Variants in ZNF804A observed in about 807,000 individuals in gnomAD.
The protein encoded by ZNF804A is zinc finger protein 804A.
A neutral mutation model predicts 16.5 loss-of-function variants in ZNF804A; 2 were observed. The observed-to-expected ratio is 0.12, with a 90% CI of 0.05 to 0.38. ZNF804A has a LOEUF of 0.38. Ranked by LOEUF, ZNF804A falls within the 10% of genes least tolerant of loss-of-function variation. The pLI is 0.99. For synonymous variants in ZNF804A, 534 were observed against 489.6 expected, an observed-to-expected ratio of 1.09 and a Z score of -1.20; for missense variants, 1,473 against 1,390.7, an observed-to-expected ratio of 1.06 and a Z score of -0.94.
At chr2:184,638,915 A>G (rs933652307) in intron 1 of ZNF804A, among the ~76,000 whole-genome samples, 3 of 152,114 alleles carry the variant, frequency 2.0e-5, no homozygotes, top group Admixed American at 6.6e-5. Flanking sequence ...GGAAGCAGAT[A>G]TAATCATAGC....
At chr2:184,850,181 A>C (rs1021418151) in intron 1 of ZNF804A, among the ~76,000 whole-genome samples, 4 of 151,854 alleles carry the variant, frequency 2.6e-5, no homozygotes, top group African/African-American at 9.7e-5. Flanking sequence ...TACAGCCAGC[A>C]ATAATTTACT....
At chr2:184,733,997 A>T (rs1451083588) in intron 1 of ZNF804A, among the ~76,000 whole-genome samples, 2 of 150,966 alleles carry the variant, frequency 1.3e-5, no homozygotes, top group Non-Finnish European at 3.0e-5. Context: ...TTCTTTACTG[A>T]TTTTAGCTGG....
intron 1 of ZNF804A, among the ~76,000 whole-genome samples, chr2:184,755,771 A>C (rs1263844529): frequency 6.6e-6 from 1 of 151,970 alleles, no homozygotes; most frequent in Admixed American, 6.6e-5. Context: ...GCTGCCTCTG[A>C]CTTTACTCTC....
intron 1 of ZNF804A, among the ~76,000 whole-genome samples, chr2:184,725,280 C>T (rs569507505): frequency 2.6e-5 from 4 of 151,588 alleles, no homozygotes; most frequent in East Asian, 1.9e-4. Context: ...TTTAATATAA[C>T]GGTTATGGTT....
chr2:184,671,077 C>T (rs1441848956), intron 1 of ZNF804A, among the ~76,000 whole-genome samples: 3 of 152,088 alleles, frequency 2.0e-5, no homozygotes, highest in Non-Finnish European at 2.9e-5. Flanking sequence ...GGTTTGCCTG[C>T]CTAAAGTGAT....
At chr2:184,818,069 T>C (rs112198566) in intron 1 of ZNF804A, among the ~76,000 whole-genome samples, 2,217 of 151,888 alleles carry the variant, frequency 0.015, 58 homozygotes, top group African/African-American at 0.05. Context: ...CCCAGTAAGA[T>C]ACAACATAAG....
chr2:184,746,241 A>G (rs1693787562), intron 1 of ZNF804A, among the ~76,000 whole-genome samples: 1 of 151,558 alleles, frequency 6.6e-6, no homozygotes, highest in Non-Finnish European at 1.5e-5. Flanking sequence ...AGTCATTGGT[A>G]ACTATAGTTG....
intron 1 of ZNF804A, among the ~76,000 whole-genome samples, chr2:184,721,866 A>G (rs962169273): frequency 1.5e-4 from 23 of 152,276 alleles, no homozygotes; most frequent in Middle Eastern, 3.4e-3. Flanking sequence ...AAACTGATAA[A>G]GGAAATGTGA....
At chr2:184,670,337 C>A (rs1294739435) in intron 1 of ZNF804A, among the ~76,000 whole-genome samples, 1 of 151,974 alleles carries the variant, frequency 6.6e-6, no homozygotes, top group Non-Finnish European at 1.5e-5. Flanking sequence ...AGGAAATTCT[C>A]ACTTTTCCCT....
chr2:184,867,154 T>A (rs1179350255), intron 2 of ZNF804A, among the ~76,000 whole-genome samples: 7 of 152,186 alleles, frequency 4.6e-5, no homozygotes, highest in Non-Finnish European at 1.0e-4. Flanking sequence ...TCTATGTAAA[T>A]GAGTTTTAAA....
intron 1 of ZNF804A, among the ~76,000 whole-genome samples, chr2:184,673,034 T>C (rs927979331): frequency 6.7e-6 from 1 of 149,114 alleles, no homozygotes; most frequent in African/African-American, 2.5e-5. Context: ...TTTATAAATC[T>C]CATCATAGGA....
chr2:184,873,812 A>T (rs1696011711), intron 2 of ZNF804A, among the ~76,000 whole-genome samples: 1 of 152,186 alleles, frequency 6.6e-6, no homozygotes, highest in South Asian at 2.1e-4. Context: ...ACATAGATTT[A>T]AAAAATGTTG....
chr2:184,750,829 C>T (rs1400485930), intron 1 of ZNF804A, among the ~76,000 whole-genome samples: 1 of 151,058 alleles, frequency 6.6e-6, no homozygotes, highest in Non-Finnish European at 1.5e-5. Context: ...CTCCATGTAC[C>T]ACCTCTCCTG....
chr2:184,782,742 T>C (rs1349664936), intron 1 of ZNF804A, among the ~76,000 whole-genome samples: 1 of 149,164 alleles, frequency 6.7e-6, no homozygotes, highest in Non-Finnish European at 1.5e-5. Flanking sequence ...TAGAGAAGGA[T>C]GACTAATACA....
At chr2:184,932,123 T>C (rs1214078951) in intron 2 of ZNF804A, among the ~76,000 whole-genome samples, 1 of 152,132 alleles carries the variant, frequency 6.6e-6, no homozygotes, top group Non-Finnish European at 1.5e-5. Context: ...GACAAGTCTG[T>C]AGGAGGTTTC....
intron 2 of ZNF804A, among the ~76,000 whole-genome samples, chr2:184,878,415 T>C (rs565009748): frequency 6.6e-6 from 1 of 152,162 alleles, no homozygotes; most frequent in South Asian, 2.1e-4. Context: ...AGCTTCCGAC[T>C]TCAATAATGG....
rs138809637 is a variant in ZNF804A at position 184,925,433 on chromosome 2, G to T, written c.256-8170G>T. On this transcript the variant is annotated intron_variant, in intron 2 of 3. Transcript: ENST00000302277. Reference sequence around the variant, plus strand: ...TCACTCTGTGTGTGTTTTTATAGGTGAAGTGTGTTTCTTGTAGGTAACAGA... The same window carrying T: ...TCACTCTGTGTGTGTTTTTATAGGTTAAGTGTGTTTCTTGTAGGTAACAGA... Among the ~76,000 whole-genome samples the T allele has an allele frequency of 3.2e-3, 479 of 151,916 alleles. 2 individuals are homozygous for T. Among genetic ancestry groups the T allele is most frequent in the African/African-American group, 0.011 (459 of 41,510 alleles).
chr2:184,729,081 C>A (rs1399618662), intron 1 of ZNF804A, among the ~76,000 whole-genome samples: 1 of 151,760 alleles, frequency 6.6e-6, no homozygotes, highest in Non-Finnish European at 1.5e-5. Context: ...CACAAAATTT[C>A]ATTTAGACAG....
chr2:184,678,761 G>A (rs978649390), intron 1 of ZNF804A, among the ~76,000 whole-genome samples: 4 of 152,158 alleles, frequency 2.6e-5, no homozygotes, highest in African/African-American at 9.7e-5. Context: ...GAACTAATGG[G>A]TGCTGAATGC....
Sources: gnomAD v4.1 joint callset for allele counts (sites outside exome capture counted in the v4.1 genomes callset) on GRCh38, gnomAD v4.1.1 for gene constraint, MANE v1.5 for transcripts, NCBI Gene and HGNC (gene_info 2026-07-23, HGNC 2026-07-21) for gene names.